The following APC variants were observed in gnomAD, a reference collection of about 807,000 sequenced individuals.
The protein encoded by APC is APC regulator of Wnt signaling pathway, also known as adenomatous polyposis coli protein.
APC carries 72 observed loss-of-function variants against 247.0 expected under a neutral mutation model. That is an observed-to-expected ratio of 0.29 (90% CI 0.24 to 0.35). APC has a LOEUF of 0.35. Among genes scored for constraint, APC ranks in the 10% least tolerant of loss-of-function variants. The pLI, the probability that APC is intolerant of heterozygous loss-of-function variation, is 1.00. For missense variants in APC, 3,400 were observed against 3,360.7 expected (o/e 1.01, Z -0.29); for synonymous variants, 1,254 against 1,162.5 (o/e 1.08, Z -1.60).
chr5:112,833,182 T>C (rs1295230955), intron 14 of APC, among the ~76,000 whole-genome samples: 10 of 33,652 alleles, frequency 3.0e-4, no homozygotes, highest in Non-Finnish European at 6.0e-4. Context: ...CCTGGCTAAT[T>C]TTTTTTTTTT....
chr5:112,762,174 G>A (rs1472007878), intron 2 of APC, among the ~76,000 whole-genome samples: 1 of 152,182 alleles, frequency 6.6e-6, no homozygotes, highest in Non-Finnish European at 1.5e-5. Context: ...TCAGGGAAAT[G>A]CAAAGACTAT....
rs553254006 is a variant in APC, at chr5:112,802,865, G to A, written c.834+1482G>A. 1.5e-4 allele frequency among the ~76,000 whole-genome samples: 23 copies of A among 151,792 alleles called. 1 individual carries two copies. Among genetic ancestry groups the A allele is most frequent in the Non-Finnish European group, 2.7e-4 (18 of 67,920 alleles). On this transcript the variant is annotated intron_variant, in intron 8 of 15. Transcript: ENST00000257430. ...CGTGTAAAAAGTTAAAATTCAAGAT[G>A]CAAAAAACAGTATTTATATACCAGC...
chr5:112,801,127 G>A, intron 7 of APC, 152 bp from the exon 8 acceptor site: 1 of 577,040 alleles, frequency 1.7e-6, no homozygotes, highest in South Asian at 2.0e-5. Flanking sequence ...CAATCGTACT[G>A]GAGGTTATGA....
At chr5:112,776,831 C>CAAGAA (rs1561479957) in intron 5 of APC, among the ~76,000 whole-genome samples, 2 of 150,914 alleles carry the variant, frequency 1.3e-5, no homozygotes, top group African/African-American at 2.4e-5. Context: ...GGTGACAGAG[C>CAAGAA]AAGACTCCAT....
At chr5:112,818,883 A>G (rs1372189809) in intron 9 of APC, 83 bp from the exon 10 acceptor site, 1 of 1,468,672 alleles carries the variant, frequency 6.8e-7, no homozygotes, top group South Asian at 1.1e-5. Flanking sequence ...AGTTATAGTA[A>G]ATATCCCATT....
chr5:112,712,167 A>C (rs1189445143), intron 1 of APC, among the ~76,000 whole-genome samples: 1 of 152,170 alleles, frequency 6.6e-6, no homozygotes, highest in Non-Finnish European at 1.5e-5. Flanking sequence ...CAGTGTCCTC[A>C]AGGTTCCATA....
chr5:112,707,634 TC>T lies in APC; in HGVS notation c.-83del, dbSNP rs1561393532. On this transcript the variant is annotated 5_prime_UTR_variant, in exon 1 of 14. Transcript: ENST00000507379. ...CCGGGAGCTGCGGACCGAGGTTGGC[TC>T]GATGCTGTTCCCAGGTACTGTTGTT... The T allele has an allele frequency of 1.6e-5, 21 of 1,340,296 alleles. No homozygotes were observed. Among genetic ancestry groups the T allele is most frequent in the South Asian group, 3.7e-5 (3 of 80,936 alleles). The allele number at this position is 1,340,296 out of a possible 1,614,324, so 83.0% of individuals were successfully genotyped here. A position where few individuals can be genotyped will look rare whatever the true frequency, so the allele number is the denominator to read the frequency against.
In APC at chr5:112,721,654, G is replaced by C. The variant is rs530873353; in HGVS notation, c.165+13772G>C. Among the ~76,000 whole-genome samples, 126 of 152,170 alleles carry C rather than the reference G, an allele frequency of 8.3e-4. 1 individual carries two copies. Among genetic ancestry groups the C allele is most frequent in the African/African-American group, 3.0e-3 (124 of 41,510 alleles). Reference sequence around the variant, plus strand: ...GTAAGAGTGGAGAAGAGTGCTAGAGGCAATAGAGGGTACACAGTTGGGTAT... The same window carrying C: ...GTAAGAGTGGAGAAGAGTGCTAGAGCCAATAGAGGGTACACAGTTGGGTAT... On this transcript the variant is annotated intron_variant, in intron 1 of 13. Transcript: ENST00000507379.
intron 14 of APC, among the ~76,000 whole-genome samples, chr5:112,830,737 A>G (rs1186241978): frequency 1.3e-5 from 2 of 152,242 alleles, no homozygotes; most frequent in African/African-American, 4.8e-5. Context: ...TACATGCAGT[A>G]ATCTGTAATG....
intron 1 of APC, among the ~76,000 whole-genome samples, chr5:112,728,791 T>C (rs1199380567): frequency 2.0e-5 from 3 of 152,144 alleles, no homozygotes; most frequent in Non-Finnish European, 4.4e-5. Context: ...GTGCATATGA[T>C]TTCTGATTAT....
chr5:112,813,126 A>T (rs550309463), intron 8 of APC, among the ~76,000 whole-genome samples: 1 of 152,306 alleles, frequency 6.6e-6, no homozygotes, highest in East Asian at 1.9e-4. Flanking sequence ...TTATATGGGG[A>T]CACATTTTTT....
At chr5:112,737,966 G>A (rs975837456) in intron 1 of APC, 41 bp downstream of exon 1, 6 of 980,184 alleles carry the variant, frequency 6.1e-6, no homozygotes, top group Non-Finnish European at 7.3e-6. Flanking sequence ...GCTGCGGGGG[G>A]AGGGGGGAAG....
At chr5:112,759,364 T>C (rs1389518183) in intron 2 of APC, among the ~76,000 whole-genome samples, 2 of 146,842 alleles carry the variant, frequency 1.4e-5, no homozygotes, top group Non-Finnish European at 3.0e-5. Context: ...TTCTTTTTTT[T>C]TTTTTTTTTT....
At chr5:112,815,470 C>T (rs1762400095) in intron 8 of APC, 25 bp from the exon 9 acceptor site, 4 of 1,537,738 alleles carry the variant, frequency 2.6e-6, no homozygotes, top group African/African-American at 1.4e-5. Flanking sequence ...TAAATTATAC[C>T]ATCTATAATG....
rs1158207177 is a variant in APC at position 112,843,742 on chromosome 5, G to C, written c.8148G>C (p.Val2716=). The C allele has an allele frequency of 1.2e-6, 2 of 1,614,048 alleles. No individual in the cohort carries two copies. Among genetic ancestry groups the C allele is most frequent in the Middle Eastern group, 1.6e-4 (1 of 6,062 alleles). Residue 2716 remains valine, a synonymous_variant, in exon 16 of 16, where the codon GTG becomes GTC. Coordinates refer to ENST00000257430, the MANE Select transcript of APC (RefSeq NM_000038.6). This position sits in a 1 kb window ranked among gnomAD's most constrained non-coding sequence, Gnocchi z 4.8. ...ATGGCAGTGTTCCCATGCGTACCGT[G>C]GGTTTGGAAAATCGCCTGAACTCCT... The part of the protein sequence containing the change: ...VGNGSVPMRT[V]GLENRLNSFI...
chr5:112,827,943 T>C lies in APC; in HGVS notation c.1563T>C (p.Ser521=), dbSNP rs2149813275. 1.9e-6 allele frequency: 3 copies of C among 1,613,354 alleles called. No individual in the cohort carries two copies. Among genetic ancestry groups the C allele is most frequent in the Non-Finnish European group, 2.5e-6 (3 of 1,179,816 alleles). ...TTAATTTACAGGCTACGCTATGCTC[T>C]ATGAAAGGCTGCATGAGAGCACTTG... ...GDVANKATLC[S]MKGCMRALVA... is the part of the protein sequence containing the mutation. Residue 521 remains serine (S), a synonymous_variant, in exon 13 of 16, where the codon TCT becomes TCC. Coordinates refer to ENST00000257430, the MANE Select transcript of APC (RefSeq NM_000038.6).
intron 1 of APC, among the ~76,000 whole-genome samples, chr5:112,748,549 T>C (rs1753932460): frequency 6.6e-6 from 1 of 152,166 alleles, no homozygotes; most frequent in Admixed American, 6.5e-5. Context: ...TTAAAGAGAA[T>C]GTCTGTAACA....
At chr5:112,711,412 T>C (rs1452089349) in intron 1 of APC, among the ~76,000 whole-genome samples, 1 of 152,244 alleles carries the variant, frequency 6.6e-6, no homozygotes, top group African/African-American at 2.4e-5. Flanking sequence ...GACTGCTGCC[T>C]TAGATCAGTT....
chr5:112,763,627 A>G (rs1029261067), intron 2 of APC, among the ~76,000 whole-genome samples: 1 of 152,180 alleles, frequency 6.6e-6, no homozygotes, highest in African/African-American at 2.4e-5. Flanking sequence ...TTTTATTTTT[A>G]AACTTTTAAA....
Sources: gnomAD v4.1 joint callset for allele counts (sites outside exome capture counted in the v4.1 genomes callset) on GRCh38, gnomAD v4.1.1 for gene constraint, Gnocchi (gnomAD v3.1) non-coding constraint, MANE v1.5 for transcripts, NCBI Gene and HGNC (gene_info 2026-07-23, HGNC 2026-07-21) for gene names.